Variants in CCBE1 observed in about 807,000 individuals in gnomAD.
CCBE1 encodes the protein collagen and calcium binding EGF domains 1.
Under a neutral mutation model 50.0 loss-of-function variants are expected in CCBE1, and 37 were observed. The observed-to-expected ratio is 0.74, with a 90% CI of 0.57 to 0.97. The LOEUF (loss-of-function observed/expected upper bound fraction) is 0.97, where lower values mean the gene tolerates loss of function less well. Among genes scored for constraint, CCBE1 ranks in the 50% least tolerant of loss-of-function variants. The pLI is 0.00. For synonymous variants in CCBE1, 234 were observed against 203.7 expected (o/e 1.15, Z -1.27); for missense variants, 538 against 523.8 (o/e 1.03, Z -0.26).
intron 6 of CCBE1, among the ~76,000 whole-genome samples, chr18:59,449,372 A>C (rs1440034054): frequency 8.3e-6 from 1 of 119,926 alleles, no homozygotes; most frequent in African/African-American, 3.3e-5. Context: ...CTCTAATCCC[A>C]GCAATTTGGG....
chr18:59,458,175 T>TCCTTCCATCCATCCTC (rs1911292233), intron 5 of CCBE1, among the ~76,000 whole-genome samples: 1 of 151,102 alleles, frequency 6.6e-6, no homozygotes, highest in Admixed American at 6.6e-5. Context: ...CATCCATCCA[T>TCCTTCCATCCATCCTC]CCTTCCATCC....
chr18:59,485,870 G>A (rs962439616), intron 2 of CCBE1, among the ~76,000 whole-genome samples: 9 of 151,526 alleles, frequency 5.9e-5, no homozygotes, highest in Middle Eastern at 3.2e-3. Context: ...CAAAGTGCTA[G>A]GATTACAGGC....
intron 2 of CCBE1, among the ~76,000 whole-genome samples, chr18:59,537,660 T>A (rs530642713): frequency 6.6e-6 from 1 of 152,296 alleles, no homozygotes; most frequent in East Asian, 1.9e-4. Flanking sequence ...GAAAATGGAC[T>A]AATACAGTGG....
chr18:59,630,501 G>A (rs368951037), intron 2 of CCBE1, among the ~76,000 whole-genome samples: 1 of 152,082 alleles, frequency 6.6e-6, no homozygotes, highest in Non-Finnish European at 1.5e-5. Context: ...CAGCTGGGAG[G>A]ATCTTCTGTT....
chr18:59,526,761 T>C (rs1360882459), intron 2 of CCBE1, among the ~76,000 whole-genome samples: 1 of 152,228 alleles, frequency 6.6e-6, no homozygotes, highest in Non-Finnish European at 1.5e-5. Context: ...TTAATTTCAT[T>C]ATTTACCCAG....
intron 2 of CCBE1, among the ~76,000 whole-genome samples, chr18:59,485,787 GA>G (rs776968930): frequency 6.6e-6 from 1 of 151,814 alleles, no homozygotes; most frequent in African/African-American, 2.4e-5. Context: ...ATTTTCGGTA[GA>G]CAGGGTTTCG....
At chr18:59,605,977 C>T (rs2053492604) in intron 2 of CCBE1, among the ~76,000 whole-genome samples, 1 of 152,156 alleles carries the variant, frequency 6.6e-6, no homozygotes, top group Non-Finnish European at 1.5e-5. Context: ...GCTCGAATGT[C>T]CGAACTGTAG....
At chr18:59,563,188 G>A (rs932126625) in intron 2 of CCBE1, among the ~76,000 whole-genome samples, 1 of 152,208 alleles carries the variant, frequency 6.6e-6, no homozygotes. Context: ...CTGAGCGAGA[G>A]ACACAAGATG....
At position 59,439,720 on chromosome 18, in the gene CCBE1, G is replaced by A. The variant is rs769018959; in HGVS notation, c.872C>T (p.Ser291Phe). 5 of 1,614,148 alleles carry A rather than the reference G, an allele frequency of 3.1e-6. No individual in the cohort carries two copies. The East Asian group carries it at 1.1e-4, about 36-fold the overall frequency. Residue 291 changes from serine (S) to phenylalanine (F), a missense_variant, in exon 8 of 11, where the codon TCT becomes TTT. Physicochemically the swap from Ser to Phe is radical, Grantham distance 155. Transcript: ENST00000439986. Reference sequence around the variant, plus strand: ...TTGCTTAATGTGGGACAGATCAGGAGATGGTCCCATGGGTCCCATTGAGCC... The same window carrying A: ...TTGCTTAATGTGGGACAGATCAGGAAATGGTCCCATGGGTCCCATTGAGCC... ...PRGSMGPMGP[S>F]PDLSHIKQGR...
chr18:59,548,209 G>A (rs1915781733), intron 2 of CCBE1, among the ~76,000 whole-genome samples: 1 of 152,166 alleles, frequency 6.6e-6, no homozygotes, highest in South Asian at 2.1e-4. Flanking sequence ...CCAAGACTAT[G>A]CCCCTTCACT....
intron 2 of CCBE1, among the ~76,000 whole-genome samples, chr18:59,530,039 T>C (rs1914987955): frequency 6.6e-6 from 1 of 152,206 alleles, no homozygotes; most frequent in Non-Finnish European, 1.5e-5. Context: ...GGATCAAGAA[T>C]CTGCATTTCT....
chr18:59,634,886 A>G (rs1419395267), intron 2 of CCBE1, among the ~76,000 whole-genome samples: 1 of 152,182 alleles, frequency 6.6e-6, no homozygotes, highest in African/African-American at 2.4e-5. Flanking sequence ...CACAAAGAGG[A>G]ACAAAATGAA....
At chr18:59,509,161 G>A (rs1914020686) in intron 2 of CCBE1, among the ~76,000 whole-genome samples, 1 of 152,080 alleles carries the variant, frequency 6.6e-6, no homozygotes, top group African/African-American at 2.4e-5. Context: ...TAATGTCCTC[G>A]ACAGACAGAC....
In CCBE1 at chr18:59,558,030, C is replaced by T. The variant is rs372603652; in HGVS notation, c.213-77792G>A. On this transcript the variant is annotated intron_variant, in intron 2 of 10. Transcript: ENST00000439986. ...GGGAAGAGAAACCCCTAAAACTCCC[C>T]GGAGGTGGAGCCGAAGACTGCTTTC... Among the ~76,000 whole-genome samples the T allele has an allele frequency of 3.9e-4, 59 of 152,306 alleles. 1 individual carries two copies. The highest frequency in any genetic ancestry group is 2.9e-3 in the South Asian group (14 of 4,822).
chr18:59,474,558 A>G (rs1912220364), intron 3 of CCBE1, among the ~76,000 whole-genome samples: 1 of 152,162 alleles, frequency 6.6e-6, no homozygotes, highest in African/African-American at 2.4e-5. Flanking sequence ...TCAATGTGTG[A>G]GCATTTACCG....
At chr18:59,598,141 G>C (rs572596658) in intron 2 of CCBE1, among the ~76,000 whole-genome samples, 30 of 152,284 alleles carry the variant, frequency 2.0e-4, no homozygotes, top group African/African-American at 7.0e-4. Flanking sequence ...CAGCAGAGAC[G>C]ACAGAGAGCA....
At chr18:59,547,047 G>GAGAGGGGGACAGAGGGGGAC (rs747685057) in intron 2 of CCBE1, among the ~76,000 whole-genome samples, 3 of 58,474 alleles carry the variant, frequency 5.1e-5, no homozygotes, top group Admixed American at 1.7e-4. Context: ...GAGAGGGGGA[G>GAGAGGGGGACAGAGGGGGAC]AGAGGGGGAG....
intron 5 of CCBE1, chr18:59,455,196 C>T (rs1911132960): frequency 3.4e-6 from 2 of 590,500 alleles, no homozygotes; most frequent in Non-Finnish European, 6.2e-6. Flanking sequence ...TTTAGACATG[C>T]CAGGAAGACC....
At chr18:59,513,398 G>A (rs1290316694) in intron 2 of CCBE1, among the ~76,000 whole-genome samples, 1 of 152,216 alleles carries the variant, frequency 6.6e-6, no homozygotes, top group East Asian at 1.9e-4. Context: ...CCAAAGGAGG[G>A]ACAAGTCCAG....
Sources: allele counts gnomAD v4.1 joint callset (sites outside exome capture counted in the v4.1 genomes callset), GRCh38; gene constraint gnomAD v4.1.1; transcripts MANE v1.5; gene names NCBI Gene and HGNC (gene_info 2026-07-23, HGNC 2026-07-21).